The following RBFOX1 variants were observed in gnomAD, a reference collection of about 807,000 sequenced individuals.
RBFOX1 encodes RNA binding fox-1 homolog 1.
A neutral mutation model predicts 57.7 loss-of-function variants in RBFOX1; 8 were observed. The observed-to-expected ratio is 0.14, with a 90% confidence interval of 0.08 to 0.25. RBFOX1 has a LOEUF of 0.25. Among genes scored for constraint, RBFOX1 ranks in the 10% least tolerant of loss-of-function variants. The pLI, the probability that RBFOX1 is intolerant of heterozygous loss-of-function variation, is 1.00. For synonymous variants in RBFOX1, 326 were observed against 222.4 expected (o/e 1.47, Z -4.15); for missense variants, 611 against 548.5 (o/e 1.11, Z -1.14).
chr16:7,154,116 A>G (rs909764008), intron 4 of RBFOX1, among the ~76,000 whole-genome samples: 1 of 152,188 alleles, frequency 6.6e-6, no homozygotes. Context: ...AAAAGCACTC[A>G]AGATTGTTTT....
intron 3 of RBFOX1, among the ~76,000 whole-genome samples, chr16:6,943,277 G>A (rs534680765): frequency 2.0e-4 from 30 of 152,306 alleles, no homozygotes; most frequent in African/African-American, 7.2e-4. Flanking sequence ...AAAAAGAATA[G>A]CCCATTTGTC....
chr16:7,470,394 T>G (rs905998340), intron 4 of RBFOX1, among the ~76,000 whole-genome samples: 1 of 152,178 alleles, frequency 6.6e-6, no homozygotes, highest in African/African-American at 2.4e-5. Flanking sequence ...GAGGAATGAA[T>G]GGATAGTTGG....
intron 4 of RBFOX1, among the ~76,000 whole-genome samples, chr16:7,321,119 A>ATATACATATACATATACT (rs1568198052): frequency 1.5e-5 from 2 of 137,422 alleles, no homozygotes; most frequent in Admixed American, 7.0e-5. Flanking sequence ...ATACATATAC[A>ATATACATATACATATACT]TATACATATA....
chr16:6,214,836 A>C, intron 1 of RBFOX1, among the ~76,000 whole-genome samples: 1 of 36,834 alleles, frequency 2.7e-5, no homozygotes. Flanking sequence ...GGAGAGGGGG[A>C]GGGGGACAGG....
At chr16:6,459,494 C>T (rs1207148701) in intron 2 of RBFOX1, among the ~76,000 whole-genome samples, 61 of 152,056 alleles carry the variant, frequency 4.0e-4, no homozygotes, top group Non-Finnish European at 7.4e-5. Flanking sequence ...TGGAAGACAC[C>T]TAAGAAAGAA....
intron 3 of RBFOX1, among the ~76,000 whole-genome samples, chr16:6,947,504 G>T (rs2079796716): frequency 6.6e-6 from 1 of 152,110 alleles, no homozygotes; most frequent in Non-Finnish European, 1.5e-5. Context: ...CCCTGAAATA[G>T]AGCGAAAAAG....
intron 2 of RBFOX1, among the ~76,000 whole-genome samples, chr16:6,363,849 G>A (rs2089077008): frequency 1.3e-5 from 2 of 152,042 alleles, no homozygotes; most frequent in South Asian, 4.2e-4. Context: ...GATATTTTTG[G>A]CCTAGGAAAT....
intron 3 of RBFOX1, among the ~76,000 whole-genome samples, chr16:6,845,978 A>G (rs1324671586): frequency 2.0e-5 from 3 of 152,220 alleles, no homozygotes; most frequent in African/African-American, 7.2e-5. Context: ...CTGATAAAAT[A>G]ATGCATCAAT....
At chr16:6,847,620 A>G (rs1828391644) in intron 3 of RBFOX1, among the ~76,000 whole-genome samples, 3 of 152,152 alleles carry the variant, frequency 2.0e-5, no homozygotes, top group Admixed American at 2.0e-4. Context: ...AGGGACGTGA[A>G]GAATGGAAGA....
At chr16:6,808,163 T>TGTGC (rs1372610247) in intron 3 of RBFOX1, among the ~76,000 whole-genome samples, 1 of 141,554 alleles carries the variant, frequency 7.1e-6, no homozygotes, top group Non-Finnish European at 1.5e-5. Context: ...CTTATATATG[T>TGTGC]GTGTGTGTGT....
Position 6,211,185 on chromosome 16 carries a change from C to CCA in RBFOX1, c.-126-105810_-126-105809insCA, listed in dbSNP as rs1426493154. Among the ~76,000 whole-genome samples the CCA allele has an allele frequency of 2.3e-3, 280 of 123,262 alleles. 2 individuals carry two copies. The highest frequency in any genetic ancestry group is 0.022 in the East Asian group (83 of 3,808). 80.9% of individuals were successfully genotyped at this position (123,262 alleles called of 152,430 possible). A position where few individuals can be genotyped will look rare whatever the true frequency, so the allele number is the denominator to read the frequency against. On this transcript the variant is annotated intron_variant, in intron 1 of 15. Coordinates refer to ENST00000550418, the MANE Select transcript of RBFOX1 (RefSeq NM_018723.4). ...CTTCCATGAGACAGAGTGTTTTCTT[C>CCA]TTCTTTTTTTTTTTTTTTGGTTAGT...
At chr16:5,517,930 C>CTGTGTG (rs71404527) in intron 2 of RBFOX1, among the ~76,000 whole-genome samples, 3,826 of 144,140 alleles carry the variant, frequency 0.027, 93 homozygotes, top group African/African-American at 0.066. Context: ...GCAAAAGCTA[C>CTGTGTG]TGTGTGTGTG....
At chr16:6,016,561 T>C (rs1318097945), upstream of RBFOX1, among the ~76,000 whole-genome samples, 2 of 152,230 alleles carry the variant, frequency 1.3e-5, no homozygotes, top group Admixed American at 6.5e-5. Context: ...ATTTACACTT[T>C]AGAGAGCTCT....
intron 6 of RBFOX1, among the ~76,000 whole-genome samples, chr16:7,580,406 T>C (rs2093664331): frequency 1.3e-5 from 2 of 152,208 alleles, no homozygotes; most frequent in African/African-American, 4.8e-5. Context: ...GAACAACTAC[T>C]TCTGCATAAA....
chr16:6,300,823 C>T (rs1172474902), intron 1 of RBFOX1, among the ~76,000 whole-genome samples: 4 of 152,166 alleles, frequency 2.6e-5, no homozygotes, highest in Non-Finnish European at 5.9e-5. Context: ...CATTGCTCTT[C>T]AGTTTTTCTG....
chr16:6,051,908 T>G (rs202196483), intron 1 of RBFOX1, among the ~76,000 whole-genome samples: 1 of 152,066 alleles, frequency 6.6e-6, no homozygotes, highest in South Asian at 2.1e-4. Flanking sequence ...AGTCCATCCT[T>G]TGATTTTTCT....
At chr16:7,691,414 G>A (rs575417680) in intron 14 of RBFOX1, among the ~76,000 whole-genome samples, 1 of 150,596 alleles carries the variant, frequency 6.6e-6, no homozygotes, top group Non-Finnish European at 1.5e-5. Context: ...GAAAATGAAA[G>A]GAGAGAAAGA....
intron 2 of RBFOX1, among the ~76,000 whole-genome samples, chr16:6,511,417 C>T (rs767239915): frequency 6.6e-6 from 1 of 152,134 alleles, no homozygotes. Flanking sequence ...AAATGAAGAC[C>T]TGGGAATTTT....
intron 4 of RBFOX1, among the ~76,000 whole-genome samples, chr16:7,368,558 C>G (rs1354209367): frequency 6.6e-6 from 1 of 151,906 alleles, no homozygotes; most frequent in African/African-American, 2.4e-5. Flanking sequence ...GTGGGCAGAT[C>G]ATGAGGTCAG....
Sources: allele counts gnomAD v4.1 joint callset (sites outside exome capture counted in the v4.1 genomes callset), GRCh38; gene constraint gnomAD v4.1.1; transcripts MANE v1.5; gene names NCBI Gene and HGNC (gene_info 2026-07-23, HGNC 2026-07-21).